Variants in AMN1 observed in about 807,000 individuals in gnomAD.
The protein encoded by AMN1 is protein AMN1 homolog.
AMN1 carries 20 observed loss-of-function variants against 33.0 expected under a neutral mutation model. That is an observed-to-expected ratio of 0.61 (90% CI 0.43 to 0.88). The LOEUF is 0.88. AMN1 is among the 40% of genes least tolerant of loss of function. The pLI is 0.00. For synonymous variants in AMN1, 114 were observed against 111.9 expected, an observed-to-expected ratio of 1.02 and a Z score of -0.12; for missense variants, 246 against 307.4, an observed-to-expected ratio of 0.80 and a Z score of 1.49.
intron 1 of AMN1, among the ~76,000 whole-genome samples, chr12:31,723,715 G>A (rs1939960288): frequency 6.6e-6 from 1 of 152,148 alleles, no homozygotes; most frequent in Non-Finnish European, 1.5e-5. Context: ...GTTGTCTGTG[G>A]CTGCTTGTGT....
chr12:31,712,056 TCCTC>T (rs1461847488), intron 1 of AMN1, among the ~76,000 whole-genome samples: 1 of 145,880 alleles, frequency 6.9e-6, no homozygotes, highest in East Asian at 2.2e-4. Context: ...CTCCCTCCCT[TCCTC>T]CCTCCCTCCC....
intron 3 of AMN1, among the ~76,000 whole-genome samples, chr12:31,699,802 G>T (rs1240660695): frequency 6.6e-6 from 1 of 152,172 alleles, no homozygotes; most frequent in Non-Finnish European, 1.5e-5. Flanking sequence ...AGTCTTGTGG[G>T]ACTGAGCCCT....
In AMN1 at chr12:31,708,306, T is replaced by C. The variant is rs532335371; in HGVS notation, c.171+987A>G. Among the ~76,000 whole-genome samples, 21 of 152,064 alleles carry C rather than the reference T, an allele frequency of 1.4e-4. No homozygotes were observed. In the South Asian group the frequency reaches 4.2e-3, roughly 30 times the overall value. On this transcript the variant is annotated intron_variant, in intron 2 of 6. Coordinates refer to ENST00000281471, the MANE Select transcript of AMN1 (RefSeq NM_001113402.2). ...GGTCTATAAATGGCCACTCTGGGAG[T>C]GTCTGTCCTATGGGAGTGTCTGTCC...
Position 31,672,348 on chromosome 12 carries a change from C to A in AMN1, c.733G>T (p.Val245Leu), listed in dbSNP as rs1442964536. ...DHSREVLEQL[V>L]GPNKLKQVTW... ...ACTTGCTTTAGTTTGTTTGGGCCTA[C>A]TAATTGCTCCAACACTTCTCGGGAA... Residue 245 changes from valine (V) to leucine (L), a missense_variant, in exon 7 of 7, where the codon GTA becomes TTA. By Grantham distance (32) the Val-to-Leu change is conservative. Coordinates refer to ENST00000281471, the MANE Select transcript of AMN1 (RefSeq NM_001113402.2). 6.3e-7 allele frequency: 1 copy of A among 1,578,180 alleles called. No individual in the cohort carries two copies. The highest frequency in any genetic ancestry group is 8.6e-7 in the Non-Finnish European group (1 of 1,159,972).
intron 1 of AMN1, among the ~76,000 whole-genome samples, chr12:31,726,430 G>A (rs1391275013): frequency 6.6e-6 from 1 of 152,158 alleles, no homozygotes. Flanking sequence ...CAAAGTGCTG[G>A]GGTTACAGGC....
At chr12:31,724,542 T>C (rs908923452) in intron 1 of AMN1, among the ~76,000 whole-genome samples, 15 of 152,186 alleles carry the variant, frequency 9.9e-5, no homozygotes, top group African/African-American at 3.6e-4. Context: ...CATATATATA[T>C]ATTTTTTTAC....
At chr12:31,713,931 A>G (rs1188944706) in intron 1 of AMN1, among the ~76,000 whole-genome samples, 1 of 152,166 alleles carries the variant, frequency 6.6e-6, no homozygotes, top group African/African-American at 2.4e-5. Context: ...CTCTGTTTGT[A>G]GAGACAATTA....
chr12:31,688,312 TAGATGTAATA>T (rs896011030), intron 6 of AMN1, among the ~76,000 whole-genome samples: 2 of 152,244 alleles, frequency 1.3e-5, no homozygotes, highest in Admixed American at 6.5e-5. Context: ...GTGTATTTGA[TAGATGTAATA>T]TTATAAACTT....
At chr12:31,708,245 T>G (rs1366857585) in intron 2 of AMN1, among the ~76,000 whole-genome samples, 3 of 152,130 alleles carry the variant, frequency 2.0e-5, no homozygotes, top group Non-Finnish European at 2.9e-5. Context: ...CAAGGAATAT[T>G]AAGACCCTAG....
chr12:31,697,557 C>A, intron 4 of AMN1, 140 bp from the exon 5 acceptor site: 1 of 1,024,088 alleles, frequency 9.8e-7, no homozygotes, highest in Non-Finnish European at 1.5e-6. Context: ...TACCTTTCAC[C>A]CTTGCTACTT....
intron 1 of AMN1, among the ~76,000 whole-genome samples, chr12:31,723,461 C>A (rs1311855182): frequency 6.6e-6 from 1 of 152,106 alleles, no homozygotes; most frequent in Non-Finnish European, 1.5e-5. Flanking sequence ...CAGGCGCCCG[C>A]CACTATGCCC....
intron 2 of AMN1, among the ~76,000 whole-genome samples, chr12:31,708,274 G>T (rs886669444): frequency 6.6e-6 from 1 of 152,084 alleles, no homozygotes; most frequent in Non-Finnish European, 1.5e-5. Flanking sequence ...TTGCATTCCT[G>T]GGGGGAGGTC....
chr12:31,706,981 A>G (rs948538948), intron 2 of AMN1, among the ~76,000 whole-genome samples: 9 of 102,458 alleles, frequency 8.8e-5, no homozygotes, highest in South Asian at 3.3e-4. Flanking sequence ...ATAATATGCT[A>G]AAAGAAATAA....
At chr12:31,680,559 C>T (rs1937962953) in intron 6 of AMN1, among the ~76,000 whole-genome samples, 1 of 152,176 alleles carries the variant, frequency 6.6e-6, no homozygotes, top group African/African-American at 2.4e-5. Context: ...TCTGCAGAAA[C>T]CAACTCAGAG....
chr12:31,688,796 G>A lies in AMN1; in HGVS notation c.703+211C>T, dbSNP rs193196065. 7.3e-4 allele frequency among the ~76,000 whole-genome samples: 111 copies of A among 151,986 alleles called. 1 individual carries two copies. In the East Asian group the frequency reaches 0.019, roughly 26 times the overall value. Reference sequence around the variant, plus strand: ...ATTGCACTCCAGCTTGGGTGACAGAGCAAGACTCCGTCTCCCAAAAAATTA... The same window carrying A: ...ATTGCACTCCAGCTTGGGTGACAGAACAAGACTCCGTCTCCCAAAAAATTA... On this transcript the variant is annotated intron_variant, in intron 6 of 6. Coordinates refer to ENST00000281471, the MANE Select transcript of AMN1 (RefSeq NM_001113402.2).
intron 6 of AMN1, among the ~76,000 whole-genome samples, chr12:31,674,631 A>G (rs1382641942): frequency 6.6e-6 from 1 of 152,190 alleles, no homozygotes; most frequent in East Asian, 1.9e-4. Context: ...GAACGTGGAT[A>G]TCATTGGGTG....
chr12:31,710,167 C>T (rs1939411437), intron 1 of AMN1, among the ~76,000 whole-genome samples: 1 of 152,090 alleles, frequency 6.6e-6, no homozygotes, highest in Non-Finnish European at 1.5e-5. Context: ...CACAAAGATT[C>T]AGCAAATATT....
rs373582890 is a variant in AMN1, at chr12:31,683,462, C to T, written c.703+5545G>A. Among the ~76,000 whole-genome samples the T allele has an allele frequency of 2.6e-5, 4 of 152,162 alleles. No individual in the cohort carries two copies. Among genetic ancestry groups the T allele is most frequent in the South Asian group, 2.1e-4 (1 of 4,826 alleles). ...AATGATTGATATGGTTTGACTGTGTCGCCACCCAAATCTCATCTTGAATTG... is the reference window on the plus strand; with the variant it reads ...AATGATTGATATGGTTTGACTGTGTTGCCACCCAAATCTCATCTTGAATTG... On this transcript the variant is annotated intron_variant, in intron 6 of 6. Transcript: ENST00000281471. The surrounding 1 kb of genome is among the most constrained non-coding windows in gnomAD (Gnocchi z 4.1).
At chr12:31,702,107 G>C in intron 2 of AMN1, 100 bp from the exon 3 acceptor site, 2 of 1,075,730 alleles carry the variant, frequency 1.9e-6, no homozygotes, top group Non-Finnish European at 2.6e-6. Flanking sequence ...ACAAGTGGCT[G>C]ATGTAAAATA....
Sources: allele counts gnomAD v4.1 joint callset (sites outside exome capture counted in the v4.1 genomes callset), GRCh38; gene constraint gnomAD v4.1.1; non-coding constraint Gnocchi (gnomAD v3.1); transcripts MANE v1.5; gene names NCBI Gene and HGNC (gene_info 2026-07-23, HGNC 2026-07-21).